INPP4B: variants seen among roughly 807,000 people sequenced by gnomAD.
INPP4B encodes the protein inositol polyphosphate-4-phosphatase type II B.
INPP4B carries 55 observed loss-of-function variants against 122.5 expected under a neutral mutation model. The observed-to-expected ratio is 0.45, with a 90% CI of 0.36 to 0.56. The LOEUF (loss-of-function observed/expected upper bound fraction) is 0.56, where lower values mean the gene tolerates loss of function less well. Among genes scored for constraint, INPP4B ranks in the 20% least tolerant of loss-of-function variants. The pLI is 0.00. For synonymous variants in INPP4B, 403 were observed against 388.7 expected, an observed-to-expected ratio of 1.04 and a Z score of -0.43; for missense variants, 1,000 against 1,097.7, an observed-to-expected ratio of 0.91 and a Z score of 1.26.
chr4:142,533,896 A>T (rs1230534595), intron 2 of INPP4B, among the ~76,000 whole-genome samples: 1 of 152,188 alleles, frequency 6.6e-6, no homozygotes, highest in Admixed American at 6.5e-5. Context: ...TTAGGATGCC[A>T]TGGTCATAAA....
At chr4:142,629,598 T>C (rs1747456890) in intron 2 of INPP4B, among the ~76,000 whole-genome samples, 1 of 152,006 alleles carries the variant, frequency 6.6e-6, no homozygotes, top group African/African-American at 2.4e-5. Context: ...GCAATGCTAG[T>C]TTGCACAACA....
chr4:142,329,786 T>A (rs2635427), intron 7 of INPP4B, among the ~76,000 whole-genome samples: 74,878 of 151,986 alleles, frequency 0.49, 18,504 homozygotes, highest in Non-Finnish European at 0.52. Context: ...ATCTATGAGG[T>A]TAATAATGCT....
intron 1 of INPP4B, among the ~76,000 whole-genome samples, chr4:142,798,839 T>G: frequency 7.2e-6 from 1 of 138,196 alleles, no homozygotes; most frequent in East Asian, 2.0e-4. Flanking sequence ...TATGTATGTG[T>G]ATATGTTTGT....
At chr4:142,145,669 T>G (rs1284592949) in intron 18 of INPP4B, among the ~76,000 whole-genome samples, 171 bp downstream of exon 18, 2 of 152,026 alleles carry the variant, frequency 1.3e-5, no homozygotes, top group African/African-American at 4.8e-5. Context: ...ACAACTGAGA[T>G]GCAATTTGAT....
chr4:142,458,076 A>G (rs1815871177), intron 3 of INPP4B, among the ~76,000 whole-genome samples: 2 of 152,218 alleles, frequency 1.3e-5, no homozygotes, highest in Admixed American at 1.3e-4. Context: ...ATCTTCAAAT[A>G]GTAAAAGGAC....
intron 5 of INPP4B, among the ~76,000 whole-genome samples, chr4:142,421,868 A>G (rs1806975799): frequency 6.6e-6 from 1 of 152,040 alleles, no homozygotes; most frequent in African/African-American, 2.4e-5. Context: ...TTTTGCCCTT[A>G]CCACAATCTG....
intron 2 of INPP4B, among the ~76,000 whole-genome samples, chr4:142,573,899 A>C (rs1733329983): frequency 6.6e-6 from 1 of 151,986 alleles, no homozygotes; most frequent in Admixed American, 6.6e-5. Context: ...TCTACTTAAA[A>C]CTTCTTGGCT....
At chr4:142,527,472 T>A (rs779842772) in intron 2 of INPP4B, among the ~76,000 whole-genome samples, 2 of 152,088 alleles carry the variant, frequency 1.3e-5, no homozygotes, top group Non-Finnish European at 2.9e-5. Flanking sequence ...TTCTTCGATA[T>A]GTTTGATCTT....
At chr4:142,213,513 T>C (rs920306195) in intron 12 of INPP4B, among the ~76,000 whole-genome samples, 2 of 152,168 alleles carry the variant, frequency 1.3e-5, no homozygotes, top group East Asian at 1.9e-4. Flanking sequence ...GAAAGGAGGC[T>C]GGCTAATATC....
chr4:142,137,222 A>T (rs1291592727), intron 18 of INPP4B, among the ~76,000 whole-genome samples: 1 of 151,672 alleles, frequency 6.6e-6, no homozygotes, highest in Non-Finnish European at 1.5e-5. Context: ...GCCCTCAGAA[A>T]TAACACCGCA....
At chr4:142,336,429 A>C (rs1016887387) in intron 7 of INPP4B, among the ~76,000 whole-genome samples, 18 of 152,216 alleles carry the variant, frequency 1.2e-4, no homozygotes, top group African/African-American at 4.1e-4. Context: ...CCAGAGCTGT[A>C]ACATGCCCCT....
chr4:142,161,492 C>T (rs1561333138), intron 16 of INPP4B, among the ~76,000 whole-genome samples: 2 of 151,898 alleles, frequency 1.3e-5, no homozygotes, highest in Admixed American at 6.6e-5. Flanking sequence ...GACCCTTTAA[C>T]TCATAGCATT....
At chr4:142,498,059 T>C (rs1049137275) in intron 2 of INPP4B, among the ~76,000 whole-genome samples, 1 of 151,878 alleles carries the variant, frequency 6.6e-6, no homozygotes, top group African/African-American at 2.4e-5. Context: ...CTTGAAATTA[T>C]AGCACAACTA....
chr4:142,095,733 GAGA>G (rs1352490633), intron 23 of INPP4B, among the ~76,000 whole-genome samples: 2 of 152,190 alleles, frequency 1.3e-5, no homozygotes, highest in South Asian at 2.1e-4. Flanking sequence ...AGAAATGACA[GAGA>G]AGGAGAGAGG....
chr4:142,315,736 T>C (rs1767354308), intron 7 of INPP4B, among the ~76,000 whole-genome samples: 1 of 150,664 alleles, frequency 6.6e-6, no homozygotes, highest in Non-Finnish European at 1.5e-5. Context: ...TAAAGATGAG[T>C]TAAACAAGTT....
intron 2 of INPP4B, among the ~76,000 whole-genome samples, chr4:142,652,213 A>G (rs1753119175): frequency 2.0e-5 from 3 of 152,204 alleles, no homozygotes; most frequent in African/African-American, 7.2e-5. Flanking sequence ...TATTGATGGA[A>G]TGTATCACAA....
chr4:142,073,400 T>C (rs1338107389), intron 25 of INPP4B, among the ~76,000 whole-genome samples: 1 of 152,128 alleles, frequency 6.6e-6, no homozygotes, highest in African/African-American at 2.4e-5. Context: ...ATAAATACAG[T>C]TGCCTCCCAG....
intron 23 of INPP4B, among the ~76,000 whole-genome samples, chr4:142,104,941 G>T (rs148983095): frequency 0.011 from 1,655 of 151,800 alleles, 27 homozygotes; most frequent in African/African-American, 0.037. Context: ...CTTATCTGGG[G>T]TTGATTGAAT....
intron 9 of INPP4B, among the ~76,000 whole-genome samples, chr4:142,299,787 T>G (rs1404286533): frequency 1.3e-5 from 2 of 152,080 alleles, no homozygotes; most frequent in African/African-American, 2.4e-5. Flanking sequence ...TCTTACTTTC[T>G]GGTACCTCCC....
Sources: allele counts gnomAD v4.1 joint callset (sites outside exome capture counted in the v4.1 genomes callset), GRCh38; gene constraint gnomAD v4.1.1; transcripts MANE v1.5; gene names NCBI Gene and HGNC (gene_info 2026-07-23, HGNC 2026-07-21).